GIT1: variants seen among roughly 807,000 people sequenced by gnomAD.
GIT1 encodes ARF GTPase-activating protein GIT1.
In GIT1, 14 loss-of-function variants were observed where a neutral mutation model predicts 91.7. The observed-to-expected ratio is 0.15, with a 90% CI of 0.10 to 0.24. The LOEUF is 0.24. GIT1 is among the 10% of genes least tolerant of loss of function. The pLI is 1.00. For synonymous variants in GIT1, 414 were observed against 418.2 expected, an observed-to-expected ratio of 0.99 and a Z score of 0.12; for missense variants, 717 against 1,024.9, an observed-to-expected ratio of 0.70 and a Z score of 4.10.
intron 1 of GIT1, among the ~76,000 whole-genome samples, chr17:29,588,421 G>C (rs2033672625): frequency 6.6e-6 from 1 of 151,972 alleles, no homozygotes; most frequent in Non-Finnish European, 1.5e-5. Flanking sequence ...GGCCTGGGGG[G>C]TTTCACTCCA....
intron 2 of GIT1, 44 bp downstream of exon 2, chr17:29,583,439 C>G: frequency 6.3e-7 from 1 of 1,599,454 alleles, no homozygotes; most frequent in Non-Finnish European, 8.5e-7. Context: ...GCTCAGCACA[C>G]TCTGCCTGAG....
chr17:29,578,612 G>T, intron 8 of GIT1, 119 bp downstream of exon 8: 3 of 970,794 alleles, frequency 3.1e-6, no homozygotes, highest in Non-Finnish European at 5.0e-6. Context: ...GCCAGTGAGG[G>T]GACAGGTCAA....
chr17:29,578,779 G>A lies in GIT1; in HGVS notation c.762C>T (p.Ser254=). ...GHYIIPQMAD[S]LDLSELAKAA... ...CTTTGGCCAATTCGGATAAGTCAAG[G>A]CTGAGGGCAGAGGGAGATGGGAATT... Residue 254 remains serine, a splice_region_variant and synonymous_variant, in exon 8 of 20, where the codon AGC becomes AGT. Transcript: ENST00000225394. 1 of 1,613,994 alleles carries A rather than the reference G, an allele frequency of 6.2e-7. No individual in the cohort carries two copies. The highest frequency in any genetic ancestry group is 1.1e-5 in the South Asian group (1 of 91,084).
rs567885599 is a variant in GIT1 at position 29,575,848 on chromosome 17, C to T, written c.1716G>A (p.Pro572=). The change falls in exon 16 of 20, where the codon CCG becomes CCA. Residue 572 remains proline, a synonymous_variant. Transcript: ENST00000225394. The surrounding 1 kb of genome is among the most constrained non-coding windows in gnomAD (Gnocchi z 5.5). ...ASAVPFTPSS[P]LLSCSQEGSR... is the part of the protein sequence containing the mutation. ...TTCCCTCCTGGGAGCAGGACAGCAG[C>T]GGGGAGGAGGGAGTGAAGGGCACAG... The T allele has an allele frequency of 1.9e-4, 301 of 1,612,442 alleles. 2 individuals are homozygous for T. The highest frequency in any genetic ancestry group is 3.4e-4 in the South Asian group (31 of 90,852).
rs756894233 is a variant in GIT1, at chr17:29,581,721, C to T, written c.718+21G>A. On this transcript the variant is annotated intron_variant, in intron 6 of 19. Transcript: ENST00000225394. The surrounding 1 kb of genome is among the most constrained non-coding windows in gnomAD (Gnocchi z 4.8). ...CCCAGCCAGGCCTGTCACAGCCAGGCGCCCCCCAAGCTCTGCTCACCCGGC... is the reference window on the plus strand; with the variant it reads ...CCCAGCCAGGCCTGTCACAGCCAGGTGCCCCCCAAGCTCTGCTCACCCGGC... 21 of 1,590,988 alleles carry T rather than the reference C, an allele frequency of 1.3e-5. No homozygotes were observed. The highest frequency in any genetic ancestry group is 2.2e-5 in the South Asian group (2 of 90,614).
rs760062679 is a variant in GIT1 at position 29,578,767 on chromosome 17, G to C, written c.774C>G (p.Ser258=). The change falls in exon 8 of 20, where the codon TCC becomes TCG. Residue 258 remains serine, a synonymous_variant. Transcript: ENST00000225394. ...IPQMADSLDL[S]ELAKAAKKKL... is the part of the protein sequence containing the mutation. ...TCTTCTTAGCAGCTTTGGCCAATTC[G>C]GATAAGTCAAGGCTGAGGGCAGAGG... 3 of 1,613,942 alleles carry C rather than the reference G, an allele frequency of 1.9e-6. No individual in the cohort carries two copies. The highest frequency in any genetic ancestry group is 1.7e-5 in the Admixed American group (1 of 60,012).
In GIT1 at chr17:29,577,074, C is replaced by T. The variant is rs1490390393; in HGVS notation, c.1093+62G>A. 3 of 1,606,066 alleles carry T rather than the reference C, an allele frequency of 1.9e-6. No individual in the cohort carries two copies. In the East Asian group the frequency reaches 6.7e-5, roughly 36 times the overall value. On this transcript the variant is annotated intron_variant, in intron 11 of 19. Coordinates refer to ENST00000225394, the MANE Select transcript of GIT1 (RefSeq NM_014030.4). ...TCAGGTCACCACTGGCAGGGAGAGCCATGCAGGAAAGACCCCTGGAGCCCC... is the reference window on the plus strand; with the variant it reads ...TCAGGTCACCACTGGCAGGGAGAGCTATGCAGGAAAGACCCCTGGAGCCCC...
intron 12 of GIT1, 63 bp from the exon 13 acceptor site, chr17:29,576,737 C>A (rs2033219148): frequency 1.2e-6 from 2 of 1,601,258 alleles, no homozygotes; most frequent in Admixed American, 3.4e-5. Flanking sequence ...CCGCAGGGGG[C>A]AGTTATTGAG....
At chr17:29,583,120 C>G (rs2033460286) in intron 2 of GIT1, 83 bp from the exon 3 acceptor site, 1 of 915,656 alleles carries the variant, frequency 1.1e-6, no homozygotes. Context: ...CCTGCTGTGG[C>G]TGGCGTAGCT....
chr17:29,585,369 T>C (rs2033559879), intron 1 of GIT1, among the ~76,000 whole-genome samples: 2 of 152,100 alleles, frequency 1.3e-5, no homozygotes, highest in Non-Finnish European at 2.9e-5. Context: ...GGATCATAAA[T>C]GGGCTGATCT....
intron 2 of GIT1, among the ~76,000 whole-genome samples, 174 bp from the exon 3 acceptor site, chr17:29,583,211 C>T (rs1176477595): frequency 6.6e-6 from 1 of 152,176 alleles, no homozygotes; most frequent in African/African-American, 2.4e-5. Flanking sequence ...ACACAGATCC[C>T]ATGAGTGTGC....
chr17:29,575,733 G>T lies in GIT1; in HGVS notation c.1753-30C>A. 1 of 1,610,912 alleles carries T rather than the reference G, an allele frequency of 6.2e-7. No individual in the cohort carries two copies. On this transcript the variant is annotated intron_variant, in intron 16 of 19. Transcript: ENST00000225394. This position sits in a 1 kb window ranked among gnomAD's most constrained non-coding sequence, Gnocchi z 5.5. ...AGGGCGGAGGGAAGGGGCTGTGAGC[G>T]CCGTGTTCCTGGACCCACACTGCCC...
chr17:29,576,155 G>A (rs541472610), intron 14 of GIT1, 24 bp from the exon 15 acceptor site: 31 of 1,612,854 alleles, frequency 1.9e-5, no homozygotes, highest in African/African-American at 1.6e-4. Flanking sequence ...CACAGCGAGC[G>A]TCATGGTGGA....
intron 7 of GIT1, among the ~76,000 whole-genome samples, chr17:29,579,686 G>A (rs1288578974): frequency 3.3e-5 from 5 of 151,670 alleles, no homozygotes; most frequent in Admixed American, 6.6e-5. Context: ...TCAAGCCACC[G>A]CACTCCAGCC....
At chr17:29,576,731 A>AG (rs1344205026) in intron 12 of GIT1, 57 bp from the exon 13 acceptor site, 4 of 1,605,038 alleles carry the variant, frequency 2.5e-6, no homozygotes, top group East Asian at 4.5e-5. Context: ...CAACACCCGC[A>AG]GGGGGCAGTT....
chr17:29,585,592 G>T (rs1161168937), intron 1 of GIT1, among the ~76,000 whole-genome samples: 1 of 152,138 alleles, frequency 6.6e-6, no homozygotes, highest in African/African-American at 2.4e-5. Context: ...TCCTCCAGGT[G>T]ACCTGAGAAG....
At chr17:29,588,901 G>A (rs2033697944) in intron 1 of GIT1, among the ~76,000 whole-genome samples, 1 of 152,182 alleles carries the variant, frequency 6.6e-6, no homozygotes, top group East Asian at 1.9e-4. Flanking sequence ...CCGACCACGC[G>A]AGCAGCAGGT....
chr17:29,577,299 G>T, intron 10 of GIT1, 52 bp from the exon 11 acceptor site: 1 of 1,379,052 alleles, frequency 7.3e-7, no homozygotes, highest in Non-Finnish European at 1.0e-6. Flanking sequence ...TATGACTGAC[G>T]CAGGACGGCA....
intron 9 of GIT1, 21 bp from the exon 10 acceptor site, chr17:29,577,763 C>G: frequency 6.7e-7 from 1 of 1,494,584 alleles, no homozygotes; most frequent in East Asian, 2.3e-5. Context: ...CGGACAGGAG[C>G]AGATCAGCCA....
Sources: allele counts gnomAD v4.1 joint callset (sites outside exome capture counted in the v4.1 genomes callset), GRCh38; gene constraint gnomAD v4.1.1; non-coding constraint Gnocchi (gnomAD v3.1); transcripts MANE v1.5; gene names NCBI Gene and HGNC (gene_info 2026-07-23, HGNC 2026-07-21).